The following TMBIM6 variants were observed in gnomAD, a reference collection of about 807,000 sequenced individuals.
TMBIM6 encodes bax inhibitor 1.
In TMBIM6, 13 loss-of-function variants were observed where a neutral mutation model predicts 31.4. That is an observed-to-expected ratio of 0.41 (90% CI 0.27 to 0.66). The LOEUF is 0.66. Among genes scored for constraint, TMBIM6 ranks in the 30% least tolerant of loss-of-function variants. TMBIM6 has a pLI of 0.28. For missense variants in TMBIM6, 275 were observed against 289.5 expected, an observed-to-expected ratio of 0.95 and a Z score of 0.36; for synonymous variants, 85 against 101.7, an observed-to-expected ratio of 0.84 and a Z score of 0.99.
chr12:49,749,240 A>G (rs1269672810), intron 1 of TMBIM6, among the ~76,000 whole-genome samples: 1 of 152,210 alleles, frequency 6.6e-6, no homozygotes, highest in Non-Finnish European at 1.5e-5. Flanking sequence ...AGAGCAAACT[A>G]TCATATTTCT....
chr12:49,746,828 C>T (rs1019514524), intron 1 of TMBIM6, among the ~76,000 whole-genome samples: 7 of 152,058 alleles, frequency 4.6e-5, no homozygotes, highest in African/African-American at 1.7e-4. Context: ...AGTTCTTCCC[C>T]CTCCTTTTTT....
At chr12:49,746,704 A>G (rs1286858472) in intron 1 of TMBIM6, among the ~76,000 whole-genome samples, 2 of 152,224 alleles carry the variant, frequency 1.3e-5, no homozygotes, top group African/African-American at 4.8e-5. Flanking sequence ...GGACATGGTT[A>G]TACAGTGTAT....
At chr12:49,754,689 C>T (rs1945556601) in intron 3 of TMBIM6, among the ~76,000 whole-genome samples, 1 of 152,166 alleles carries the variant, frequency 6.6e-6, no homozygotes, top group African/African-American at 2.4e-5. Context: ...TCAGTGTCTA[C>T]GTCCATCCTT....
chr12:49,752,121 A>G (rs746783650), intron 1 of TMBIM6, among the ~76,000 whole-genome samples: 3 of 152,300 alleles, frequency 2.0e-5, no homozygotes, highest in Admixed American at 6.5e-5. Context: ...TTATGTGCCA[A>G]TGTCTAGGTT....
Position 49,753,040 on chromosome 12 carries a change from G to T in TMBIM6, c.124G>T (p.Ala42Ser), listed in dbSNP as rs749577706. The change falls in exon 3 of 10, where the codon GCT (alanine) becomes TCT (serine). Residue 42 changes from alanine to serine, a missense_variant. Ala to Ser is a moderately conservative substitution (Grantham distance 99). Transcript: ENST00000267115. Reference sequence around the variant, plus strand: ...TTTTGCCCTTTGTATGTTTGTGGCGGCTGCAGGGGCCTATGTCCATATGGT... The same window carrying T: ...TTTTGCCCTTTGTATGTTTGTGGCGTCTGCAGGGGCCTATGTCCATATGGT... ...ASFALCMFVA[A>S]AGAYVHMVTH... 6.8e-6 allele frequency: 11 copies of T among 1,614,022 alleles called. No homozygotes were observed. The highest frequency in any genetic ancestry group is 5.1e-6 in the Non-Finnish European group (6 of 1,179,978).
At chr12:49,757,263 C>A (rs1214907593) in intron 4 of TMBIM6, among the ~76,000 whole-genome samples, 1 of 152,138 alleles carries the variant, frequency 6.6e-6, no homozygotes. Flanking sequence ...ACTTTTGTGT[C>A]CAAAAATAGC....
chr12:49,762,695 TTG>T (rs1945742576), intron 9 of TMBIM6, among the ~76,000 whole-genome samples, 176 bp from the exon 10 acceptor site: 1 of 152,162 alleles, frequency 6.6e-6, no homozygotes, highest in Admixed American at 6.5e-5. Flanking sequence ...GTCGGCAACT[TTG>T]GGAACCACCA....
intron 8 of TMBIM6, among the ~76,000 whole-genome samples, chr12:49,760,004 C>T (rs1344256153): frequency 6.7e-6 from 1 of 149,712 alleles, no homozygotes. Flanking sequence ...CCCAGCTACT[C>T]AGGAGGCGGA....
At chr12:49,749,434 C>CTTTTTTTTTTTTTT (rs1565918072) in intron 1 of TMBIM6, among the ~76,000 whole-genome samples, 1 of 121,720 alleles carries the variant, frequency 8.2e-6, no homozygotes, top group African/African-American at 4.6e-5. Flanking sequence ...TTTTGTAAGT[C>CTTTTTTTTTTTTTT]ATTTTTGTTT....
At position 49,744,732 on chromosome 12, in the gene TMBIM6, C is replaced by T. The variant is rs541001610; in HGVS notation, c.-31+3121C>T. 2.6e-5 allele frequency among the ~76,000 whole-genome samples: 4 copies of T among 152,210 alleles called. No individual in the cohort carries two copies. The South Asian group carries it at 6.2e-4, about 24-fold the overall frequency. On this transcript the variant is annotated intron_variant, in intron 1 of 9. Coordinates refer to ENST00000267115, the MANE Select transcript of TMBIM6 (RefSeq NM_003217.3). ...GCACAATTAACTGGAATCCAAAACACGTGAAAAAGGAGCTTCACCAGTGAG... is the reference window on the plus strand; with the variant it reads ...GCACAATTAACTGGAATCCAAAACATGTGAAAAAGGAGCTTCACCAGTGAG...
At chr12:49,758,546 T>C in intron 6 of TMBIM6, 66 bp downstream of exon 6, 1 of 1,565,598 alleles carries the variant, frequency 6.4e-7, no homozygotes, top group Non-Finnish European at 8.8e-7. Flanking sequence ...CTAGTACTCC[T>C]TCCTTACCCC....
chr12:49,756,504 C>T (rs969314931), intron 4 of TMBIM6, among the ~76,000 whole-genome samples: 4 of 142,302 alleles, frequency 2.8e-5, no homozygotes, highest in African/African-American at 1.1e-4. Flanking sequence ...AGTGCAGTGG[C>T]GAGATCTCAG....
chr12:49,749,441 G>GTTTGTTTTTTTT (rs1555228473), intron 1 of TMBIM6, among the ~76,000 whole-genome samples: 1 of 146,048 alleles, frequency 6.8e-6, no homozygotes, highest in African/African-American at 2.7e-5. Context: ...AGTCATTTTT[G>GTTTGTTTTTTTT]TTTTTTTTTG....
intron 1 of TMBIM6, chr12:49,743,626 C>T (rs1945339710): frequency 6.6e-6 from 1 of 152,090 alleles, no homozygotes. Flanking sequence ...AGATATAGTT[C>T]GCGCTCTTTA....
intron 9 of TMBIM6, 81 bp from the exon 10 acceptor site, chr12:49,762,792 C>T: frequency 7.4e-7 from 1 of 1,351,004 alleles, no homozygotes; most frequent in Non-Finnish European, 1.1e-6. Flanking sequence ...CTTCTAGTCC[C>T]TAACTAAATG....
At chr12:49,755,837 C>CTTTTTTTT (rs369987981) in intron 4 of TMBIM6, 82 bp downstream of exon 4, 3 of 950,782 alleles carry the variant, frequency 3.2e-6, no homozygotes, top group African/African-American at 1.8e-5. Flanking sequence ...CTTTTTTTTT[C>CTTTTTTTT]TTTTTTTTTT....
intron 3 of TMBIM6, among the ~76,000 whole-genome samples, chr12:49,753,508 T>C (rs1302405464): frequency 5.3e-5 from 8 of 152,264 alleles, no homozygotes; most frequent in African/African-American, 1.9e-4. Flanking sequence ...AACTGTTGTC[T>C]GCATGGTTGG....
At chr12:49,742,178 T>A (rs745664756) in intron 1 of TMBIM6, 2 of 1,613,526 alleles carry the variant, frequency 1.2e-6, no homozygotes, top group South Asian at 2.2e-5. Flanking sequence ...CTCAGTTACT[T>A]AGCCAACGGC....
At chr12:49,761,256 C>T (rs1300832634) in intron 8 of TMBIM6, among the ~76,000 whole-genome samples, 2 of 152,162 alleles carry the variant, frequency 1.3e-5, no homozygotes, top group African/African-American at 2.4e-5. Flanking sequence ...GTCACCCAAG[C>T]TGCAGTAGGA....
Sources: allele counts gnomAD v4.1 joint callset (sites outside exome capture counted in the v4.1 genomes callset), GRCh38; gene constraint gnomAD v4.1.1; transcripts MANE v1.5; gene names NCBI Gene and HGNC (gene_info 2026-07-23, HGNC 2026-07-21).